The following NRXN3 variants were observed in gnomAD, a reference collection of about 807,000 sequenced individuals.
NRXN3 encodes the protein neurexin III.
NRXN3 carries 32 observed loss-of-function variants against 137.6 expected under a neutral mutation model. The observed-to-expected ratio is 0.23, with a 90% CI of 0.18 to 0.31. The LOEUF is 0.31. NRXN3 is among the 10% of genes least tolerant of loss of function. The pLI is 1.00. For missense variants in NRXN3, 1,574 were observed against 2,062.5 expected, an observed-to-expected ratio of 0.76 and a Z score of 4.59; for synonymous variants, 798 against 784.5, an observed-to-expected ratio of 1.02 and a Z score of -0.29.
At chr14:78,790,172 G>A (rs893496492) in intron 8 of NRXN3, among the ~76,000 whole-genome samples, 1 of 151,970 alleles carries the variant, frequency 6.6e-6, no homozygotes, top group African/African-American at 2.4e-5. Context: ...TAAACTTTTT[G>A]GTAAATTGAA....
At chr14:79,801,108 T>A (rs1326470965) in intron 19 of NRXN3, among the ~76,000 whole-genome samples, 1 of 152,190 alleles carries the variant, frequency 6.6e-6, no homozygotes, top group Non-Finnish European at 1.5e-5. Flanking sequence ...GGGACTGAGA[T>A]GTTTGTAACT....
chr14:78,899,222 G>A (rs1348208826), intron 10 of NRXN3, among the ~76,000 whole-genome samples: 2 of 151,876 alleles, frequency 1.3e-5, no homozygotes, highest in Admixed American at 1.3e-4. Flanking sequence ...AGGAGAGGGA[G>A]GGAGCTAAAA....
At chr14:79,573,573 A>G (rs1230063604) in intron 16 of NRXN3, among the ~76,000 whole-genome samples, 1 of 151,976 alleles carries the variant, frequency 6.6e-6, no homozygotes, top group African/African-American at 2.4e-5. Flanking sequence ...TTTATACACC[A>G]TGCACTCTCA....
chr14:78,516,530 G>A (rs534468465), intron 4 of NRXN3, among the ~76,000 whole-genome samples: 1 of 151,490 alleles, frequency 6.6e-6, no homozygotes, highest in African/African-American at 2.4e-5. Flanking sequence ...TGATGGCATT[G>A]AGAAGTAGTG....
At chr14:79,346,345 C>T (rs935694891) in intron 15 of NRXN3, among the ~76,000 whole-genome samples, 12 of 152,236 alleles carry the variant, frequency 7.9e-5, no homozygotes, top group Middle Eastern at 6.8e-3. Context: ...CACCTGAACG[C>T]GGGAGGTGGA....
chr14:78,698,109 A>G (rs2098245060), intron 6 of NRXN3: 2 of 152,160 alleles, frequency 1.3e-5, no homozygotes, highest in Admixed American at 1.3e-4. Context: ...GGTTGCCCCT[A>G]TACGCAGTCA....
At chr14:79,823,083 G>T (rs550907902) in intron 20 of NRXN3, among the ~76,000 whole-genome samples, 1 of 152,282 alleles carries the variant, frequency 6.6e-6, no homozygotes, top group South Asian at 2.1e-4. Flanking sequence ...TCAAGAGAAA[G>T]TCAAATATTA....
intron 15 of NRXN3, among the ~76,000 whole-genome samples, chr14:79,403,282 A>G (rs2095247732): frequency 6.6e-6 from 1 of 152,210 alleles, no homozygotes; most frequent in South Asian, 2.1e-4. Flanking sequence ...ATCCTATGCT[A>G]GGGATGAGGA....
rs369125131 is a variant in NRXN3 at position 79,145,778 on chromosome 14, A to G, written c.3262+157637A>G. Among the ~76,000 whole-genome samples, 31 of 152,218 alleles carry G rather than the reference A, an allele frequency of 2.0e-4. 2 individuals carry two copies. Among genetic ancestry groups the G allele is most frequent in the Non-Finnish European group, 3.7e-4 (25 of 68,032 alleles). Reference sequence around the variant, plus strand: ...ACTTATATACCTATTGCATTGTATAATAAGTAAGCATGAGTATCATTCTGT... The same window carrying G: ...ACTTATATACCTATTGCATTGTATAGTAAGTAAGCATGAGTATCATTCTGT... On this transcript the variant is annotated intron_variant, in intron 15 of 20. Transcript: ENST00000335750.
chr14:79,398,595 CA>C (rs1440722913), intron 15 of NRXN3, among the ~76,000 whole-genome samples: 1 of 151,814 alleles, frequency 6.6e-6, no homozygotes, highest in Non-Finnish European at 1.5e-5. Context: ...ATATTTCTAG[CA>C]AAACTCTTGA....
chr14:79,740,401 A>G (rs1159392756), intron 19 of NRXN3, among the ~76,000 whole-genome samples: 1 of 151,920 alleles, frequency 6.6e-6, no homozygotes, highest in Non-Finnish European at 1.5e-5. Flanking sequence ...GGCCTGCAGG[A>G]GAGAGTTTCA....
intron 4 of NRXN3, among the ~76,000 whole-genome samples, chr14:78,379,001 C>A (rs997730299): frequency 2.0e-5 from 3 of 150,852 alleles, no homozygotes; most frequent in Non-Finnish European, 4.4e-5. Context: ...CAACCCTACA[C>A]ACAAAAGTTT....
intron 16 of NRXN3, among the ~76,000 whole-genome samples, chr14:79,502,515 A>C (rs904044094): frequency 2.7e-5 from 4 of 147,558 alleles, no homozygotes; most frequent in East Asian, 2.1e-4. Context: ...CTCTCGCCAC[A>C]CCCCCCACCC....
At chr14:78,509,672 T>C (rs1701090458) in intron 4 of NRXN3, among the ~76,000 whole-genome samples, 1 of 152,136 alleles carries the variant, frequency 6.6e-6, no homozygotes, top group African/African-American at 2.4e-5. Flanking sequence ...CAGAGGGACC[T>C]GCAGCAATCC....
intron 4 of NRXN3, among the ~76,000 whole-genome samples, chr14:78,491,670 T>C (rs879438580): frequency 1.4e-4 from 21 of 152,296 alleles, no homozygotes; most frequent in African/African-American, 4.8e-4. Context: ...AAGACTGTGC[T>C]GAGAATTCAT....
chr14:79,370,453 G>A (rs555354112), intron 15 of NRXN3, among the ~76,000 whole-genome samples: 38 of 151,798 alleles, frequency 2.5e-4, no homozygotes, highest in Admixed American at 2.6e-4. Flanking sequence ...CGAGTAGCTG[G>A]GATTACAGGC....
intron 4 of NRXN3, among the ~76,000 whole-genome samples, chr14:78,610,676 G>T (rs922785362): frequency 2.4e-4 from 37 of 152,216 alleles, no homozygotes; most frequent in African/African-American, 8.7e-4. Context: ...TGATGAAACT[G>T]GTTTTTGTAT....
chr14:78,557,222 A>ATTTTT (rs377666227), intron 4 of NRXN3, among the ~76,000 whole-genome samples: 1 of 136,558 alleles, frequency 7.3e-6, no homozygotes. Flanking sequence ...ATTTTTTTCT[A>ATTTTT]TTTTTTTTTT....
At chr14:78,701,010 T>G (rs1236224852) in intron 6 of NRXN3, among the ~76,000 whole-genome samples, 1 of 152,166 alleles carries the variant, frequency 6.6e-6, no homozygotes, top group Non-Finnish European at 1.5e-5. Flanking sequence ...GACCTTGTTA[T>G]CCACCTGCCT....
Sources: gnomAD v4.1 joint callset for allele counts (sites outside exome capture counted in the v4.1 genomes callset) on GRCh38, gnomAD v4.1.1 for gene constraint, MANE v1.5 for transcripts, NCBI Gene and HGNC (gene_info 2026-07-23, HGNC 2026-07-21) for gene names.